ULK2: variants seen among roughly 807,000 people sequenced by gnomAD.
ULK2 encodes serine/threonine-protein kinase ULK2.
Under a neutral mutation model 127.5 loss-of-function variants are expected in ULK2, and 76 were observed. The observed-to-expected ratio is 0.60, with a 90% confidence interval of 0.50 to 0.72. The LOEUF is 0.72. ULK2 is among the 30% of genes least tolerant of loss of function. ULK2 has a pLI of 0.00. For missense variants in ULK2, 1,144 were observed against 1,295.9 expected, an observed-to-expected ratio of 0.88 and a Z score of 1.80; for synonymous variants, 452 against 461.9, an observed-to-expected ratio of 0.98 and a Z score of 0.28.
At chr17:19,804,312 TC>T (rs1421887970) in intron 15 of ULK2, among the ~76,000 whole-genome samples, 3 of 152,258 alleles carry the variant, frequency 2.0e-5, no homozygotes, top group Non-Finnish European at 4.4e-5. Context: ...TTTAATATGA[TC>T]TTAGTAAGGT....
chr17:19,841,390 A>G, intron 9 of ULK2, 99 bp downstream of exon 9: 1 of 1,230,010 alleles, frequency 8.1e-7, no homozygotes, highest in Non-Finnish European at 1.1e-6. Flanking sequence ...TTATCAACTG[A>G]AAAAGAATTA....
At chr17:19,844,836 T>A (rs1200986250) in intron 7 of ULK2, among the ~76,000 whole-genome samples, 2 of 151,464 alleles carry the variant, frequency 1.3e-5, no homozygotes, top group Admixed American at 1.3e-4. Flanking sequence ...GATATCTATA[T>A]GAGAGGATAA....
intron 5 of ULK2, among the ~76,000 whole-genome samples, chr17:19,849,028 T>G (rs1348181499): frequency 6.6e-6 from 1 of 152,162 alleles, no homozygotes; most frequent in Non-Finnish European, 1.5e-5. Context: ...TTTTTTAATT[T>G]TGAAAGAAAC....
intron 20 of ULK2, among the ~76,000 whole-genome samples, chr17:19,793,041 T>C (rs2087190293): frequency 6.6e-6 from 1 of 152,118 alleles, no homozygotes; most frequent in Admixed American, 6.5e-5. Flanking sequence ...GGGAAATTTA[T>C]AAAGGAAAGA....
In ULK2 at chr17:19,771,805, C is replaced by G. The variant is rs1481176945; in HGVS notation, c.*4544G>C. On this transcript the variant is annotated 3_prime_UTR_variant, in exon 27 of 27. Coordinates refer to ENST00000395544, the MANE Select transcript of ULK2 (RefSeq NM_014683.4). ...TACCTGCCAAATTGAGTTGCAGAAACCCCAAAGGAGGCATAGAACACGGTT... is the reference window on the plus strand; with the variant it reads ...TACCTGCCAAATTGAGTTGCAGAAAGCCCAAAGGAGGCATAGAACACGGTT... 2.0e-5 allele frequency: 3 copies of G among 152,200 alleles called. No individual in the cohort carries two copies. The highest frequency in any genetic ancestry group is 6.5e-5 in the Admixed American group (1 of 15,278). 9.4% of individuals were successfully genotyped at this position (152,200 alleles called of 1,614,324 possible).
rs150073942 is a variant in ULK2, at chr17:19,815,246, A to AT, written c.1096+1502dup. 1.9e-3 allele frequency among the ~76,000 whole-genome samples: 285 copies of AT among 151,028 alleles called. 1 individual carries two copies. The highest frequency in any genetic ancestry group is 3.4e-3 in the Middle Eastern group (1 of 292). ...AGGCACTTTAGCTGTACTTAACAGC[A>AT]TTTTTTTTTGTTTGTTTTTTTGTTT... On this transcript the variant is annotated intron_variant, in intron 13 of 26. Coordinates refer to ENST00000395544, the MANE Select transcript of ULK2 (RefSeq NM_014683.4).
intron 17 of ULK2, among the ~76,000 whole-genome samples, chr17:19,798,025 T>C (rs184803207): frequency 1.3e-5 from 2 of 152,192 alleles, no homozygotes; most frequent in East Asian, 3.8e-4. Context: ...AAAACCTACA[T>C]TGAACAGGAT....
intron 17 of ULK2, among the ~76,000 whole-genome samples, chr17:19,798,828 A>G (rs947169587): frequency 1.1e-4 from 16 of 152,154 alleles, no homozygotes; most frequent in African/African-American, 3.9e-4. Flanking sequence ...TTTAAAATCT[A>G]TATTATTTTA....
chr17:19,787,464 GATA>G (rs879881223), intron 20 of ULK2, among the ~76,000 whole-genome samples: 26 of 152,140 alleles, frequency 1.7e-4, no homozygotes, highest in Non-Finnish European at 1.0e-4. Flanking sequence ...AAATATATTT[GATA>G]ATAAGAACAT....
chr17:19,830,589 G>A (rs1475039124), intron 10 of ULK2, among the ~76,000 whole-genome samples: 7 of 147,064 alleles, frequency 4.8e-5, no homozygotes, highest in African/African-American at 2.5e-5. Flanking sequence ...GCCGGGCGCA[G>A]TGGTTCATGC....
At chr17:19,838,975 G>A (rs2041667677) in intron 9 of ULK2, among the ~76,000 whole-genome samples, 1 of 151,224 alleles carries the variant, frequency 6.6e-6, no homozygotes, top group Non-Finnish European at 1.5e-5. Context: ...AGCTTGCAGT[G>A]AGCCGAGATC....
chr17:19,841,669 C>T (rs1042442088), intron 8 of ULK2, 122 bp from the exon 9 acceptor site: 2 of 660,330 alleles, frequency 3.0e-6, no homozygotes, highest in Non-Finnish European at 4.9e-6. Context: ...AAGGAAGGGA[C>T]TGCTGACAGG....
At chr17:19,839,617 G>A (rs936429329) in intron 9 of ULK2, among the ~76,000 whole-genome samples, 12 of 148,134 alleles carry the variant, frequency 8.1e-5, no homozygotes, top group East Asian at 4.0e-4. Context: ...AGCCAAGATC[G>A]TGCCATTACA....
intron 25 of ULK2, among the ~76,000 whole-genome samples, chr17:19,778,128 T>G (rs2086845868): frequency 1.3e-5 from 2 of 152,364 alleles, no homozygotes; most frequent in South Asian, 4.1e-4. Flanking sequence ...CTGGCTTCTT[T>G]TTCTAGCCAA....
At chr17:19,788,975 T>A (rs1009256134) in intron 20 of ULK2, among the ~76,000 whole-genome samples, 8 of 152,214 alleles carry the variant, frequency 5.3e-5, no homozygotes, top group Non-Finnish European at 1.2e-4. Flanking sequence ...CCCTGACTCC[T>A]AGATAGCATC....
chr17:19,799,554 A>T lies in ULK2; in HGVS notation c.1463T>A (p.Phe488Tyr). ...SPLVGTIPEQ[F>Y]SQCCCGHPQG... ...AGGATGCCCACAGCAGCACTGACTG[A>T]ATTGCTCAGGAATGGTACCAACTAC... Residue 488 changes from phenylalanine to tyrosine, a missense_variant, in exon 17 of 27, where the codon TTC becomes TAC. Physicochemically the swap from Phe to Tyr is conservative, Grantham distance 22. Around this residue, in one of 2 missense-constraint regions of ULK2, gnomAD observed 913 missense variants for 970.5 expected, o/e 0.94. Transcript: ENST00000395544. The T allele has an allele frequency of 6.4e-7, 1 of 1,571,452 alleles. No homozygotes were observed. Among genetic ancestry groups the T allele is most frequent in the Non-Finnish European group, 8.6e-7 (1 of 1,162,320 alleles).
At chr17:19,862,106 T>C (rs1437861333) in intron 3 of ULK2, among the ~76,000 whole-genome samples, 3 of 152,046 alleles carry the variant, frequency 2.0e-5, no homozygotes, top group Non-Finnish European at 4.4e-5. Flanking sequence ...TCTTTTTTTT[T>C]TCCCCCCCGA....
In ULK2 at chr17:19,817,332, C is replaced by T. The variant is rs375793831; in HGVS notation, c.925-412G>A. Among the ~76,000 whole-genome samples the T allele has an allele frequency of 2.6e-4, 40 of 152,216 alleles. No homozygotes were observed. The South Asian group carries it at 7.9e-3, about 30-fold the overall frequency. On this transcript the variant is annotated intron_variant, in intron 12 of 26. Coordinates refer to ENST00000395544, the MANE Select transcript of ULK2 (RefSeq NM_014683.4). The stretch of plus-strand genomic sequence containing the variant: ...GAGACTTTAAATTAACGACATCTTA[C>T]ACACACACGTTTTAAATATATAATG...
rs3884213 is a variant in ULK2 at position 19,823,126 on chromosome 17, A to ATTT, written c.924+1965_924+1967dup. Among the ~76,000 whole-genome samples, 330 of 113,140 alleles carry ATTT rather than the reference A, an allele frequency of 2.9e-3. 19 individuals carry two copies. Among genetic ancestry groups the ATTT allele is most frequent in the East Asian group, 0.023 (83 of 3,684 alleles). 74.2% of individuals were successfully genotyped at this position (113,140 alleles called of 152,430 possible). A position where few individuals can be genotyped will look rare whatever the true frequency, so the allele number is the denominator to read the frequency against. ...CAGTCATGCCCAGGCACGCCTGGCT[A>ATTT]TTTTTTTTTTTTTTTTTTTAGTAGA... On this transcript the variant is annotated intron_variant, in intron 12 of 26. Transcript: ENST00000395544.
Sources: allele counts gnomAD v4.1 joint callset (sites outside exome capture counted in the v4.1 genomes callset), GRCh38; gene constraint gnomAD v4.1.1; regional missense constraint gnomAD v4.1.1; transcripts MANE v1.5; gene names NCBI Gene and HGNC (gene_info 2026-07-23, HGNC 2026-07-21).